MYO18A: variants seen among roughly 807,000 people sequenced by gnomAD.
MYO18A encodes the protein unconventional myosin-XVIIIa.
In MYO18A, 78 loss-of-function variants were observed where a neutral mutation model predicts 235.8. The observed-to-expected ratio is 0.33, with a 90% CI of 0.28 to 0.40. MYO18A has a LOEUF of 0.40. Among genes scored for constraint, MYO18A ranks in the 10% least tolerant of loss-of-function variants. The probability of loss-of-function intolerance (pLI) is 1.00; values close to 1 mark genes in which losing one functional copy is unlikely to be tolerated. For missense variants in MYO18A, 2,215 were observed against 2,699.3 expected, an observed-to-expected ratio of 0.82 and a Z score of 3.98; for synonymous variants, 977 against 1,077.8, an observed-to-expected ratio of 0.91 and a Z score of 1.83.
chr17:29,107,256 T>G, intron 19 of MYO18A, 67 bp from the exon 20 acceptor site: 10 of 1,463,728 alleles, frequency 6.8e-6, no homozygotes, highest in Non-Finnish European at 8.6e-6. Context: ...CAGTAGCCAC[T>G]GTGCCTGGGC....
intron 1 of MYO18A, among the ~76,000 whole-genome samples, chr17:29,171,451 G>C (rs2068401549): frequency 6.6e-6 from 1 of 151,620 alleles, no homozygotes; most frequent in South Asian, 2.1e-4. Context: ...AAAAAAAAAA[G>C]ATTTGTGCAT....
At chr17:29,115,923 G>A in intron 11 of MYO18A, 83 bp from the exon 12 acceptor site, 1 of 1,459,600 alleles carries the variant, frequency 6.9e-7, no homozygotes, top group Non-Finnish European at 9.2e-7. Context: ...TGATGACTAT[G>A]CATCTTCTGG....
chr17:29,085,701 T>C (rs2066237556), intron 39 of MYO18A, 53 bp from the exon 40 acceptor site: 1 of 1,594,224 alleles, frequency 6.3e-7, no homozygotes, highest in African/African-American at 1.3e-5. Context: ...ACAGATGAAA[T>C]CAATCGGCAA....
At chr17:29,114,563 G>C (rs2067010919) in intron 14 of MYO18A, among the ~76,000 whole-genome samples, 1 of 152,208 alleles carries the variant, frequency 6.6e-6, no homozygotes, top group East Asian at 1.9e-4. Context: ...CACCCTCACA[G>C]ATCAGGGAAG....
intron 41 of MYO18A, chr17:29,080,125 C>G (rs542645133): frequency 1.0e-6 from 1 of 985,956 alleles, no homozygotes; most frequent in Non-Finnish European, 1.2e-6. Flanking sequence ...GGCGGAGCGG[C>G]GGATGCTGGC....
intron 2 of MYO18A, among the ~76,000 whole-genome samples, chr17:29,159,706 G>A (rs1282399781): frequency 6.6e-6 from 1 of 152,176 alleles, no homozygotes; most frequent in Non-Finnish European, 1.5e-5. Context: ...TTGGAATCCT[G>A]CAGGCCCCAC....
Position 29,140,329 on chromosome 17 carries a change from G to A in MYO18A, c.1000-18076C>T, listed in dbSNP as rs1019612402. On this transcript the variant is annotated intron_variant, in intron 2 of 41. Coordinates refer to ENST00000527372, the MANE Select transcript of MYO18A (RefSeq NM_078471.4). The surrounding 1 kb of genome is among the most constrained non-coding windows in gnomAD (Gnocchi z 4.2). ...GACATTTCCGGGGTGGGGGGTCAGA[G>A]GGACACTCACCCGCATGGCCTGGCC... is the stretch of plus-strand genomic sequence containing the variant. 7.9e-7 allele frequency: 1 copy of A among 1,260,602 alleles called. No homozygotes were observed. The highest frequency in any genetic ancestry group is 1.0e-6 in the Non-Finnish European group (1 of 975,998). The allele number at this position is 1,260,602 out of a possible 1,614,324, so 78.1% of individuals were successfully genotyped here. A position where few individuals can be genotyped will look rare whatever the true frequency, so the allele number is the denominator to read the frequency against.
intron 2 of MYO18A, among the ~76,000 whole-genome samples, chr17:29,160,136 A>G (rs1299649410): frequency 2.0e-5 from 3 of 152,220 alleles, no homozygotes; most frequent in Non-Finnish European, 2.9e-5. Context: ...CTAAGCATTT[A>G]CCACCTGCCA....
At position 29,125,494 on chromosome 17, in the gene MYO18A, G is replaced by A. The variant is rs1339723375; in HGVS notation, c.1000-3241C>T. On this transcript the variant is annotated intron_variant, in intron 2 of 41. Coordinates refer to ENST00000527372, the MANE Select transcript of MYO18A (RefSeq NM_078471.4). The surrounding 1 kb of genome is among the most constrained non-coding windows in gnomAD (Gnocchi z 5.1). ...AGGAAGGCAAGTCAACCAGGACTTG[G>A]ATGTTACCTGTTAGAAATCGGCAAG... Among the ~76,000 whole-genome samples, 2 of 152,242 alleles carry A rather than the reference G, an allele frequency of 1.3e-5. No homozygotes were observed. Among genetic ancestry groups the A allele is most frequent in the Non-Finnish European group, 2.9e-5 (2 of 68,048 alleles).
chr17:29,160,754 G>A (rs926221974), intron 2 of MYO18A, among the ~76,000 whole-genome samples: 3 of 152,154 alleles, frequency 2.0e-5, no homozygotes, highest in Non-Finnish European at 4.4e-5. Flanking sequence ...TGAGGAACCC[G>A]ACAGCCTGAA....
chr17:29,105,045 G>C (rs1233751281), intron 20 of MYO18A, among the ~76,000 whole-genome samples: 3 of 151,774 alleles, frequency 2.0e-5, no homozygotes, highest in African/African-American at 4.8e-5. Flanking sequence ...CTGGGCATGG[G>C]CCTGTAGTCC....
At chr17:29,102,031 C>T (rs1598303342) in intron 21 of MYO18A, among the ~76,000 whole-genome samples, 1 of 152,296 alleles carries the variant, frequency 6.6e-6, no homozygotes, top group African/African-American at 2.4e-5. Context: ...AGGGAATCCT[C>T]GCCCATGAGT....
chr17:29,152,372 C>T (rs2067979200), intron 2 of MYO18A, among the ~76,000 whole-genome samples: 1 of 152,166 alleles, frequency 6.6e-6, no homozygotes, highest in African/African-American at 2.4e-5. Flanking sequence ...AGAGGTCTTG[C>T]CATCAGCTAA....
intron 41 of MYO18A, among the ~76,000 whole-genome samples, chr17:29,081,220 T>C (rs73986794): frequency 0.015 from 2,321 of 152,204 alleles, 52 homozygotes; most frequent in African/African-American, 0.053. Context: ...TCAGTGAAAA[T>C]AGCTTCATGG....
At chr17:29,078,282 CT>C (rs2066033846) in intron 41 of MYO18A, 1 of 152,276 alleles carries the variant, frequency 6.6e-6, no homozygotes, top group African/African-American at 2.4e-5. Context: ...TCCCAAAGTG[CT>C]GGGATTACAG....
chr17:29,127,286 T>G (rs2067345163), intron 2 of MYO18A, among the ~76,000 whole-genome samples: 1 of 152,236 alleles, frequency 6.6e-6, no homozygotes, highest in African/African-American at 2.4e-5. Context: ...ATATTAATGT[T>G]TGTTACACGT....
At position 29,119,276 on chromosome 17, in the gene MYO18A, G is replaced by A. The variant is rs1252464141; in HGVS notation, c.1829+59C>T. 8 of 1,321,496 alleles carry A rather than the reference G, an allele frequency of 6.1e-6. No homozygotes were observed. In the East Asian group the frequency reaches 9.7e-5, roughly 16 times the overall value. 81.9% of individuals were successfully genotyped at this position (1,321,496 alleles called of 1,614,324 possible). ...AATTCTGGATGCAATCAAGGTCCAG[G>A]AGCCCAGTCAGTGGGCTGGAGTTCA... On this transcript the variant is annotated intron_variant, in intron 8 of 41. Transcript: ENST00000527372.
At chr17:29,172,930 A>G (rs1259370047) in intron 1 of MYO18A, among the ~76,000 whole-genome samples, 4 of 152,202 alleles carry the variant, frequency 2.6e-5, no homozygotes, top group African/African-American at 9.7e-5. Flanking sequence ...CATAACATTC[A>G]CAGACATGTG....
At chr17:29,093,953 G>A in intron 31 of MYO18A, 27 bp downstream of exon 31, 1 of 1,525,336 alleles carries the variant, frequency 6.6e-7, no homozygotes, top group Non-Finnish European at 9.0e-7. Flanking sequence ...TGTTTACGCT[G>A]GACAGGTAAG....
Sources: gnomAD v4.1 joint callset for allele counts (sites outside exome capture counted in the v4.1 genomes callset) on GRCh38, gnomAD v4.1.1 for gene constraint, Gnocchi (gnomAD v3.1) non-coding constraint, MANE v1.5 for transcripts, NCBI Gene and HGNC (gene_info 2026-07-23, HGNC 2026-07-21) for gene names.